Variants in ZNF385D observed in about 807,000 individuals in gnomAD.
ZNF385D encodes zinc finger protein 385D, also known as zinc finger protein 659.
Under a neutral mutation model 35.8 loss-of-function variants are expected in ZNF385D, and 15 were observed. That is an observed-to-expected ratio of 0.42 (90% CI 0.28 to 0.64). The LOEUF (loss-of-function observed/expected upper bound fraction) is 0.64. ZNF385D is among the 30% of genes least tolerant of loss of function. The pLI is 0.23. For missense variants in ZNF385D, 474 were observed against 494.6 expected (o/e 0.96, Z 0.39); for synonymous variants, 212 against 186.8 (o/e 1.13, Z -1.10).
intron 4 of ZNF385D, among the ~76,000 whole-genome samples, chr3:21,439,297 CAAAAAAAA>C (rs143786633): frequency 2.2e-5 from 2 of 89,324 alleles, no homozygotes; most frequent in African/African-American, 3.7e-5. Context: ...GATTTTGAGG[CAAAAAAAA>C]AAAAAAAAAA....
chr3:21,582,513 G>T (rs139723006), intron 2 of ZNF385D, among the ~76,000 whole-genome samples: 1 of 152,034 alleles, frequency 6.6e-6, no homozygotes, highest in East Asian at 1.9e-4. Flanking sequence ...TTCTTAATAA[G>T]TTAAAGAAAC....
intron 2 of ZNF385D, among the ~76,000 whole-genome samples, chr3:22,255,233 G>C (rs1421620255): frequency 6.6e-6 from 1 of 151,288 alleles, no homozygotes; most frequent in Non-Finnish European, 1.5e-5. Flanking sequence ...AATATCTTGA[G>C]GAAAATTCAT....
intron 2 of ZNF385D, among the ~76,000 whole-genome samples, chr3:22,323,661 C>T (rs541861082): frequency 9.1e-4 from 138 of 152,194 alleles, no homozygotes; most frequent in African/African-American, 3.1e-3. Context: ...ATTAAAGCTA[C>T]GGTAACACAA....
chr3:22,028,829 G>A (rs1485908298), intron 3 of ZNF385D, among the ~76,000 whole-genome samples: 1 of 152,152 alleles, frequency 6.6e-6, no homozygotes, highest in Non-Finnish European at 1.5e-5. Context: ...ACATTGGAAT[G>A]GCCTTTGGAA....
intron 3 of ZNF385D, among the ~76,000 whole-genome samples, chr3:22,002,773 G>A (rs1480450908): frequency 6.6e-6 from 1 of 152,112 alleles, no homozygotes; most frequent in African/African-American, 2.4e-5. Context: ...AGGGTTGCAA[G>A]ATTTGTTCAA....
intron 3 of ZNF385D, among the ~76,000 whole-genome samples, chr3:21,945,103 T>C (rs1040103161): frequency 6.6e-6 from 1 of 151,948 alleles, no homozygotes; most frequent in African/African-American, 2.4e-5. Context: ...TGAATGTGTG[T>C]GTGTGTGCAT....
At chr3:22,006,108 T>A (rs1292122751) in intron 3 of ZNF385D, among the ~76,000 whole-genome samples, 1 of 152,112 alleles carries the variant, frequency 6.6e-6, no homozygotes, top group Non-Finnish European at 1.5e-5. Flanking sequence ...TTTCATATGA[T>A]GATCTGGGCT....
intron 3 of ZNF385D, among the ~76,000 whole-genome samples, chr3:21,957,620 G>C (rs1021988056): frequency 8.5e-5 from 13 of 152,082 alleles, no homozygotes; most frequent in East Asian, 1.9e-4. Context: ...GCTTGAACTG[G>C]TGTTCTGCTT....
At chr3:21,946,202 C>T (rs533019321) in intron 3 of ZNF385D, among the ~76,000 whole-genome samples, 4 of 152,150 alleles carry the variant, frequency 2.6e-5, no homozygotes, top group Admixed American at 6.5e-5. Context: ...GAGAACTTTT[C>T]TCTTTTAACT....
chr3:21,638,300 T>C (rs1299197771), intron 2 of ZNF385D, among the ~76,000 whole-genome samples: 1 of 152,104 alleles, frequency 6.6e-6, no homozygotes, highest in Non-Finnish European at 1.5e-5. Context: ...ACAAACAGGT[T>C]TGGAAATTAG....
chr3:22,062,873 G>A (rs1699760568), intron 3 of ZNF385D, among the ~76,000 whole-genome samples: 1 of 152,190 alleles, frequency 6.6e-6, no homozygotes, highest in Non-Finnish European at 1.5e-5. Context: ...AGCCATATGA[G>A]TGAGTCTTCA....
At chr3:21,975,031 T>C (rs1339161400) in intron 3 of ZNF385D, among the ~76,000 whole-genome samples, 2 of 152,196 alleles carry the variant, frequency 1.3e-5, no homozygotes, top group Non-Finnish European at 2.9e-5. Context: ...ACACTAAAAA[T>C]AGAACTGCCA....
intron 3 of ZNF385D, among the ~76,000 whole-genome samples, chr3:22,111,227 G>A (rs992200880): frequency 7.9e-6 from 1 of 126,028 alleles, no homozygotes; most frequent in Non-Finnish European, 1.6e-5. Flanking sequence ...AATTTGGAAA[G>A]CATCTATAAA....
At chr3:21,944,119 A>G (rs1701663620) in intron 3 of ZNF385D, among the ~76,000 whole-genome samples, 1 of 152,202 alleles carries the variant, frequency 6.6e-6, no homozygotes, top group African/African-American at 2.4e-5. Flanking sequence ...TAAATGGAAT[A>G]AAAATTCATA....
intron 2 of ZNF385D, among the ~76,000 whole-genome samples, chr3:22,225,238 A>C (rs929586612): frequency 6.6e-6 from 1 of 152,078 alleles, no homozygotes; most frequent in African/African-American, 2.4e-5. Context: ...TCATTATTAG[A>C]GTATGTAGCA....
chr3:21,877,623 G>A (rs1417866405), intron 3 of ZNF385D, among the ~76,000 whole-genome samples: 1 of 151,980 alleles, frequency 6.6e-6, no homozygotes, highest in Non-Finnish European at 1.5e-5. Flanking sequence ...TGTTTGCTCT[G>A]GATTATAAAC....
At chr3:22,103,994 T>A (rs1405072235) in intron 3 of ZNF385D, among the ~76,000 whole-genome samples, 1 of 152,166 alleles carries the variant, frequency 6.6e-6, no homozygotes, top group East Asian at 1.9e-4. Context: ...TATTCACTTA[T>A]ATATTACATG....
At chr3:21,745,269 G>A (rs570227300) in intron 1 of ZNF385D, among the ~76,000 whole-genome samples, 1 of 151,896 alleles carries the variant, frequency 6.6e-6, no homozygotes, top group East Asian at 1.9e-4. Flanking sequence ...TATTACATGT[G>A]GGCAAAAAAA....
At chr3:21,820,219 A>C (rs1300364665) in intron 3 of ZNF385D, among the ~76,000 whole-genome samples, 1 of 151,842 alleles carries the variant, frequency 6.6e-6, no homozygotes, top group Non-Finnish European at 1.5e-5. Flanking sequence ...TCTAGTCAAT[A>C]AAATCGTCTC....
Sources: gnomAD v4.1 joint callset for allele counts (sites outside exome capture counted in the v4.1 genomes callset) on GRCh38, gnomAD v4.1.1 for gene constraint, MANE v1.5 for transcripts, NCBI Gene and HGNC (gene_info 2026-07-23, HGNC 2026-07-21) for gene names.